Variants in SV2B observed in about 807,000 individuals in gnomAD.
SV2B encodes synaptic vesicle glycoprotein 2B, also known as solute carrier family 22 member B2.
Under a neutral mutation model 73.9 loss-of-function variants are expected in SV2B, and 41 were observed. The observed-to-expected ratio is 0.56, with a 90% CI of 0.43 to 0.72. The LOEUF (loss-of-function observed/expected upper bound fraction) is 0.72. Among genes scored for constraint, SV2B ranks in the 30% least tolerant of loss-of-function variants. The pLI, the probability that SV2B is intolerant of heterozygous loss-of-function variation, is 0.00. For synonymous variants in SV2B, 314 were observed against 314.2 expected (o/e 1.00, Z 0.01); for missense variants, 764 against 857.8 (o/e 0.89, Z 1.37).
chr15:91,244,374 C>A (rs959893102), intron 2 of SV2B, among the ~76,000 whole-genome samples: 1 of 152,216 alleles, frequency 6.6e-6, no homozygotes, highest in South Asian at 2.1e-4. Context: ...AGAGAATGGA[C>A]AAGTTAACCC....
intron 1 of SV2B, among the ~76,000 whole-genome samples, chr15:91,148,887 C>A (rs1481557723): frequency 6.6e-6 from 1 of 152,154 alleles, no homozygotes; most frequent in Non-Finnish European, 1.5e-5. Flanking sequence ...AAATCCTACC[C>A]ACATTGGGAG....
At chr15:91,193,507 T>C (rs909836034) in intron 1 of SV2B, among the ~76,000 whole-genome samples, 1 of 152,194 alleles carries the variant, frequency 6.6e-6, no homozygotes, top group Non-Finnish European at 1.5e-5. Flanking sequence ...GCAGAGCAGA[T>C]GGTGACTTCA....
intron 1 of SV2B, among the ~76,000 whole-genome samples, chr15:91,201,660 TC>T (rs2045464654): frequency 6.6e-6 from 1 of 152,202 alleles, no homozygotes; most frequent in Non-Finnish European, 1.5e-5. Flanking sequence ...GGCAAATCCA[TC>T]CTTCCAACTG....
chr15:91,241,658 C>G lies in SV2B; in HGVS notation c.452-10161C>G, dbSNP rs571698855. On this transcript the variant is annotated intron_variant, in intron 2 of 12. Transcript: ENST00000394232. The surrounding 1 kb of genome is among the most constrained non-coding windows in gnomAD (Gnocchi z 4.8). ...CCTGTTATCACACCTACCTTCCTCG[C>G]TGCCTCTGTGCTGACCCCGTATTCT... 6.6e-6 allele frequency among the ~76,000 whole-genome samples: 1 copy of G among 152,194 alleles called. No homozygotes were observed. The highest frequency in any genetic ancestry group is 2.4e-5 in the African/African-American group (1 of 41,452).
At position 91,199,305 on chromosome 15, in the gene SV2B, C is replaced by T. The variant is rs532535342; in HGVS notation, c.-391-26568C>T. Among the ~76,000 whole-genome samples, 34 of 152,148 alleles carry T rather than the reference C, an allele frequency of 2.2e-4. No homozygotes were observed. In the South Asian group the frequency reaches 3.7e-3, roughly 17 times the overall value. Reference sequence around the variant, plus strand: ...GGAAGGATGGAAATTAGGGAGTGACCGGCAGTGAGGTTTGTGTAAGGGGGC... The same window carrying T: ...GGAAGGATGGAAATTAGGGAGTGACTGGCAGTGAGGTTTGTGTAAGGGGGC... On this transcript the variant is annotated intron_variant, in intron 1 of 12. Transcript: ENST00000394232.
intron 1 of SV2B, among the ~76,000 whole-genome samples, chr15:91,184,522 C>G (rs1431462155): frequency 6.6e-6 from 1 of 152,206 alleles, no homozygotes; most frequent in African/African-American, 2.4e-5. Flanking sequence ...TTTAAAGAAT[C>G]TTCCCCAAGG....
chr15:91,289,239 C>T lies in SV2B; in HGVS notation c.1709-282C>T, dbSNP rs941127578. 1.3e-5 allele frequency among the ~76,000 whole-genome samples: 2 copies of T among 152,308 alleles called. No individual in the cohort carries two copies. Among genetic ancestry groups the T allele is most frequent in the East Asian group, 1.9e-4 (1 of 5,182 alleles). On this transcript the variant is annotated intron_variant, in intron 11 of 12. Transcript: ENST00000394232. This position sits in a 1 kb window ranked among gnomAD's most constrained non-coding sequence, Gnocchi z 4.9. ...TCTCAACAAATGCCCCTATCTGCCC[C>T]GTCCCGTCACTCTGAGCTGGGCACC...
chr15:91,221,216 G>T (rs963637559), intron 1 of SV2B, among the ~76,000 whole-genome samples: 1 of 152,108 alleles, frequency 6.6e-6, no homozygotes, highest in African/African-American at 2.4e-5. Context: ...GATTTAAATT[G>T]ATCACATCTG....
chr15:91,201,279 T>C (rs8040569), intron 1 of SV2B, among the ~76,000 whole-genome samples: 70,964 of 151,930 alleles, frequency 0.47, 17,413 homozygotes, highest in African/African-American at 0.64. Context: ...CATTGGAATT[T>C]TAAAATACTA....
At chr15:91,099,983 G>A (rs954307082), upstream of SV2B, 2 of 152,308 alleles carry the variant, frequency 1.3e-5, no homozygotes, top group Non-Finnish European at 2.9e-5. Flanking sequence ...GAGACCTTGC[G>A]GCCTCACTGG....
intron 9 of SV2B, among the ~76,000 whole-genome samples, chr15:91,270,675 C>T (rs571194493): frequency 5.9e-5 from 9 of 152,320 alleles, no homozygotes; most frequent in African/African-American, 2.2e-4. Flanking sequence ...ACTTTTGATC[C>T]ACTCTGTCAT....
chr15:91,111,456 T>C (rs1425042361), intron 1 of SV2B, among the ~76,000 whole-genome samples: 2 of 152,158 alleles, frequency 1.3e-5, no homozygotes, highest in Non-Finnish European at 2.9e-5. Context: ...AGGTACATGC[T>C]GAGAGAATTG....
intron 1 of SV2B, among the ~76,000 whole-genome samples, chr15:91,126,388 C>T (rs1023811439): frequency 6.6e-6 from 1 of 152,152 alleles, no homozygotes; most frequent in Non-Finnish European, 1.5e-5. Context: ...TAGAGCTCTC[C>T]TTGCAGATAA....
In SV2B at chr15:91,268,754, A is replaced by C. The variant is rs962161327; in HGVS notation, c.1373+149A>C. On this transcript the variant is annotated intron_variant, in intron 9 of 12. Coordinates refer to ENST00000394232, the MANE Select transcript of SV2B (RefSeq NM_001323032.3). This position sits in a 1 kb window ranked among gnomAD's most constrained non-coding sequence, Gnocchi z 4.4. ...ATCATCACAACCTGTCATGGCTGCCAGTGACGCCATAGCTCCCCTAGTGGC... is the reference window on the plus strand; with the variant it reads ...ATCATCACAACCTGTCATGGCTGCCCGTGACGCCATAGCTCCCCTAGTGGC... The C allele has an allele frequency of 6.8e-5, 72 of 1,058,952 alleles. No homozygotes were observed. Among genetic ancestry groups the C allele is most frequent in the Non-Finnish European group, 9.4e-5 (71 of 755,136 alleles). The allele number at this position is 1,058,952 out of a possible 1,614,324, so 65.6% of individuals were successfully genotyped here.
rs1230869830 is a variant in SV2B, at chr15:91,261,486, T to C, written c.1008+1077T>C. On this transcript the variant is annotated intron_variant, in intron 6 of 12. Coordinates refer to ENST00000394232, the MANE Select transcript of SV2B (RefSeq NM_001323032.3). This position sits in a 1 kb window ranked among gnomAD's most constrained non-coding sequence, Gnocchi z 4.7. Reference sequence around the variant, plus strand: ...AGCTTGTTTATCCAGTTTTACTACCTTGTTCCTGTAAATATTAGTGCAATG... The same window carrying C: ...AGCTTGTTTATCCAGTTTTACTACCCTGTTCCTGTAAATATTAGTGCAATG... Among the ~76,000 whole-genome samples, 1 of 152,192 alleles carries C rather than the reference T, an allele frequency of 6.6e-6. No homozygotes were observed. Among genetic ancestry groups the C allele is most frequent in the Non-Finnish European group, 1.5e-5 (1 of 68,032 alleles).
In SV2B at chr15:91,141,849, G is replaced by A. The variant is rs2043005924; in HGVS notation, c.-392+41486G>A. Among the ~76,000 whole-genome samples the A allele has an allele frequency of 6.6e-6, 1 of 151,996 alleles. No individual in the cohort carries two copies. The highest frequency in any genetic ancestry group is 2.4e-5 in the African/African-American group (1 of 41,368). ...AGTTAGATGCTGTACCTGAAAGGGT[G>A]TATGTTTAAAAGACTGACACTGTCG... On this transcript the variant is annotated intron_variant, in intron 1 of 12. Coordinates refer to ENST00000394232, the MANE Select transcript of SV2B (RefSeq NM_001323032.3). This position sits in a 1 kb window ranked among gnomAD's most constrained non-coding sequence, Gnocchi z 4.6.
chr15:91,213,691 TTAC>T (rs2045937465), intron 1 of SV2B, among the ~76,000 whole-genome samples: 1 of 152,200 alleles, frequency 6.6e-6, no homozygotes, highest in Admixed American at 6.5e-5. Flanking sequence ...CAGGTCATTT[TTAC>T]TAACTGACTG....
rs2046284840 is a variant in SV2B, at chr15:91,223,617, T to G, written c.-391-2256T>G. 6.6e-6 allele frequency among the ~76,000 whole-genome samples: 1 copy of G among 152,182 alleles called. No individual in the cohort carries two copies. The highest frequency in any genetic ancestry group is 1.5e-5 in the Non-Finnish European group (1 of 68,034). ...CCAGATCTCAGTCAGGTGGCGTTCTTTCCATGTTTTTATAGCGCTCTGCAA... is the reference window on the plus strand; with the variant it reads ...CCAGATCTCAGTCAGGTGGCGTTCTGTCCATGTTTTTATAGCGCTCTGCAA... On this transcript the variant is annotated intron_variant, in intron 1 of 12. Coordinates refer to ENST00000394232, the MANE Select transcript of SV2B (RefSeq NM_001323032.3). This position sits in a 1 kb window ranked among gnomAD's most constrained non-coding sequence, Gnocchi z 4.6.
At chr15:91,195,557 A>G (rs1242638043) in intron 1 of SV2B, among the ~76,000 whole-genome samples, 1 of 152,220 alleles carries the variant, frequency 6.6e-6, no homozygotes, top group Non-Finnish European at 1.5e-5. Flanking sequence ...TGCGAGGAAT[A>G]AGCAACACAT....
Sources: allele counts gnomAD v4.1 joint callset (sites outside exome capture counted in the v4.1 genomes callset), GRCh38; gene constraint gnomAD v4.1.1; non-coding constraint Gnocchi (gnomAD v3.1); transcripts MANE v1.5; gene names NCBI Gene and HGNC (gene_info 2026-07-23, HGNC 2026-07-21).